RASSF6: variants seen among roughly 807,000 people sequenced by gnomAD.
RASSF6 encodes the protein Ras association domain family member 6.
Under a neutral mutation model 44.0 loss-of-function variants are expected in RASSF6, and 52 were observed. The observed-to-expected ratio is 1.18, with a 90% CI of 0.95 to 1.49. RASSF6 has a LOEUF of 1.49. Ranked by LOEUF, RASSF6 falls within the 40% of genes most tolerant of loss-of-function variation. The pLI is 0.00. For synonymous variants in RASSF6, 162 were observed against 124.6 expected (o/e 1.30, Z -2.00); for missense variants, 464 against 393.3 (o/e 1.18, Z -1.52).
chr4:73,616,269 A>C (rs916765308), intron 1 of RASSF6, among the ~76,000 whole-genome samples: 8 of 148,520 alleles, frequency 5.4e-5, no homozygotes, highest in Admixed American at 3.4e-4. Context: ...ATCTATCTAT[A>C]CATATATATA....
chr4:73,608,881 C>T (rs1345816136), intron 2 of RASSF6, among the ~76,000 whole-genome samples: 2 of 152,186 alleles, frequency 1.3e-5, no homozygotes, highest in African/African-American at 4.8e-5. Context: ...TAGAAGGCAG[C>T]CTCTGGAACA....
At chr4:73,600,204 T>C (rs778825720) in intron 2 of RASSF6, among the ~76,000 whole-genome samples, 1 of 152,180 alleles carries the variant, frequency 6.6e-6, no homozygotes, top group Non-Finnish European at 1.5e-5. Flanking sequence ...GTCTCCTCCA[T>C]TGAATGTAGC....
At chr4:73,580,539 T>G (rs1474401551) in intron 8 of RASSF6, among the ~76,000 whole-genome samples, 1 of 150,920 alleles carries the variant, frequency 6.6e-6, no homozygotes, top group Non-Finnish European at 1.5e-5. Context: ...TACCTGTTGT[T>G]TCCTGACTTT....
chr4:73,620,615 A>G (rs1726641597), upstream of RASSF6: 4 of 707,370 alleles, frequency 5.7e-6, no homozygotes, highest in African/African-American at 1.8e-5. Flanking sequence ...AACCTGAGCC[A>G]CTCCCTGTGC....
intron 8 of RASSF6, among the ~76,000 whole-genome samples, chr4:73,578,213 C>A (rs911487846): frequency 6.6e-6 from 1 of 152,028 alleles, no homozygotes; most frequent in Non-Finnish European, 1.5e-5. Flanking sequence ...TGTGTGGAGC[C>A]CAAGAATGAC....
At chr4:73,578,273 G>A (rs192237982) in intron 8 of RASSF6, among the ~76,000 whole-genome samples, 41 of 152,298 alleles carry the variant, frequency 2.7e-4, no homozygotes, top group Non-Finnish European at 5.1e-4. Context: ...TAAAGTTAGA[G>A]GTGTGAGGAA....
intron 2 of RASSF6, among the ~76,000 whole-genome samples, chr4:73,603,293 A>G (rs914936015): frequency 1.3e-5 from 2 of 152,192 alleles, no homozygotes; most frequent in Non-Finnish European, 2.9e-5. Context: ...AAGAAAACCA[A>G]ACTTCCATAT....
Position 73,572,923 on chromosome 4 carries a change from A to G in RASSF6, c.*3312T>C, listed in dbSNP as rs1011351374. Reference sequence around the variant, plus strand: ...TTCTTGTGTGTATATATATGCAAATATTAGTGTTCACACACACAAATACAT... The same window carrying G: ...TTCTTGTGTGTATATATATGCAAATGTTAGTGTTCACACACACAAATACAT... On this transcript the variant is annotated 3_prime_UTR_variant, in exon 11 of 11. Coordinates refer to ENST00000307439, the MANE Select transcript of RASSF6 (RefSeq NM_177532.5). 1 of 152,180 alleles carries G rather than the reference A, an allele frequency of 6.6e-6. No individual in the cohort carries two copies. Among genetic ancestry groups the G allele is most frequent in the Non-Finnish European group, 1.5e-5 (1 of 68,020 alleles). 9.4% of individuals were successfully genotyped at this position (152,180 alleles called of 1,614,324 possible).
intron 3 of RASSF6, among the ~76,000 whole-genome samples, chr4:73,597,346 T>C (rs1724999742): frequency 6.6e-6 from 1 of 152,102 alleles, no homozygotes; most frequent in Admixed American, 6.5e-5. Context: ...AAATAAGACA[T>C]ACATGTGGCC....
chr4:73,586,510 T>C (rs1248114424), intron 5 of RASSF6, among the ~76,000 whole-genome samples: 1 of 151,970 alleles, frequency 6.6e-6, no homozygotes, highest in Admixed American at 6.6e-5. Context: ...CCCTTTCTGC[T>C]TGTATACAAT....
chr4:73,614,880 C>T (rs1726248529), intron 1 of RASSF6, among the ~76,000 whole-genome samples: 1 of 152,002 alleles, frequency 6.6e-6, no homozygotes, highest in Admixed American at 6.5e-5. Flanking sequence ...ATAGGCAGCA[C>T]ATAATATTTG....
intron 2 of RASSF6, among the ~76,000 whole-genome samples, chr4:73,604,826 G>A (rs1390906494): frequency 6.6e-6 from 1 of 151,528 alleles, no homozygotes; most frequent in Non-Finnish European, 1.5e-5. Flanking sequence ...TGGGAATTAA[G>A]GTTGTGATTT....
At chr4:73,579,951 C>T (rs1272163695) in intron 8 of RASSF6, among the ~76,000 whole-genome samples, 1 of 151,090 alleles carries the variant, frequency 6.6e-6, no homozygotes, top group Non-Finnish European at 1.5e-5. Flanking sequence ...ATACATGTGC[C>T]ATGCTGGTGT....
chr4:73,583,525 T>A (rs1329167138), intron 6 of RASSF6, among the ~76,000 whole-genome samples: 1 of 152,114 alleles, frequency 6.6e-6, no homozygotes, highest in East Asian at 1.9e-4. Context: ...ACAAGGGGCT[T>A]CATAGTATAA....
Position 73,593,465 on chromosome 4 carries a change from G to A in RASSF6, c.273C>T (p.Val91=). 6.2e-7 allele frequency: 1 copy of A among 1,604,640 alleles called. No individual in the cohort carries two copies. The highest frequency in any genetic ancestry group is 8.5e-7 in the Non-Finnish European group (1 of 1,177,106). The part of the protein sequence containing the change: ...SSFTSMKSSD[V]FSSKGMTRWG... ...AGATAGCTTACCCTTTGCTGGAGAA[G>A]ACGTCTGATGACTTCATACTAGTAA... is the stretch of plus-strand genomic sequence containing the variant. The change falls in exon 4 of 11, where the codon GTC becomes GTT. Residue 91 remains valine, a synonymous_variant. Transcript: ENST00000307439.
Position 73,620,388 on chromosome 4 carries a change from G to A in RASSF6, c.-135C>T. The A allele has an allele frequency of 6.5e-7, 1 of 1,532,580 alleles. No individual in the cohort carries two copies. The highest frequency in any genetic ancestry group is 8.8e-7 in the Non-Finnish European group (1 of 1,139,934). The allele number at this position is 1,532,580 out of a possible 1,614,324, so 94.9% of individuals were successfully genotyped here. ...CGGCTGGGTCAGGAACTCTGGTAGA[G>A]GGAAACCAGTGCCCTGTCTCTGCCG... On this transcript the variant is annotated 5_prime_UTR_variant, in exon 1 of 11. Coordinates refer to ENST00000307439, the MANE Select transcript of RASSF6 (RefSeq NM_177532.5).
chr4:73,574,461 C>A lies in RASSF6; in HGVS notation c.*1774G>T, dbSNP rs1418031081. The A allele has an allele frequency of 1.3e-5, 2 of 152,290 alleles. No homozygotes were observed. The highest frequency in any genetic ancestry group is 2.9e-5 in the Non-Finnish European group (2 of 68,146). The allele number at this position is 152,290 out of a possible 1,614,324, so 9.4% of individuals were successfully genotyped here. On this transcript the variant is annotated 3_prime_UTR_variant, in exon 11 of 11. Transcript: ENST00000307439. ...TCCTGCTCTGGCCTGGGCAAGCCAGCAAACTTCTCTCCAGTGGGCTGCAAC... is the reference window on the plus strand; with the variant it reads ...TCCTGCTCTGGCCTGGGCAAGCCAGAAAACTTCTCTCCAGTGGGCTGCAAC...
rs186181394 is a variant in RASSF6 at position 73,588,160 on chromosome 4, C to T, written c.288-226G>A. Among the ~76,000 whole-genome samples, 16 of 151,978 alleles carry T rather than the reference C, an allele frequency of 1.1e-4. No individual in the cohort carries two copies. In the East Asian group the frequency reaches 2.1e-3, roughly 20 times the overall value. On this transcript the variant is annotated intron_variant, in intron 4 of 10. Coordinates refer to ENST00000307439, the MANE Select transcript of RASSF6 (RefSeq NM_177532.5). ...ACTTTTATAGAGCATATCTTTTTGA[C>T]GTAATAATTCAGTTACATACTGAAA... is the stretch of plus-strand genomic sequence containing the variant.
intron 1 of RASSF6, among the ~76,000 whole-genome samples, chr4:73,614,837 T>C (rs1726241134): frequency 6.6e-6 from 1 of 152,122 alleles, no homozygotes; most frequent in Non-Finnish European, 1.5e-5. Flanking sequence ...TAATTTAATG[T>C]AAGAAAATAA....
Sources: gnomAD v4.1 joint callset for allele counts (sites outside exome capture counted in the v4.1 genomes callset) on GRCh38, gnomAD v4.1.1 for gene constraint, MANE v1.5 for transcripts, NCBI Gene and HGNC (gene_info 2026-07-23, HGNC 2026-07-21) for gene names.